The following SORCS3 variants were observed in gnomAD, a reference collection of about 807,000 sequenced individuals.
The protein encoded by SORCS3 is VPS10 domain-containing receptor SorCS3.
A neutral mutation model predicts 146.3 loss-of-function variants in SORCS3; 57 were observed. The observed-to-expected ratio is 0.39, with a 90% CI of 0.31 to 0.49. SORCS3 has a LOEUF of 0.49. Among genes scored for constraint, SORCS3 ranks in the 20% least tolerant of loss-of-function variants. The pLI is 0.92. For missense variants in SORCS3, 1,341 were observed against 1,575.5 expected, an observed-to-expected ratio of 0.85 and a Z score of 2.52; for synonymous variants, 653 against 618.5, an observed-to-expected ratio of 1.06 and a Z score of -0.83.
At chr10:104,877,224 A>C in intron 2 of SORCS3, among the ~76,000 whole-genome samples, 1 of 152,182 alleles carries the variant, frequency 6.6e-6, no homozygotes, top group South Asian at 2.1e-4. Context: ...TAGTCCAGTC[A>C]CCATTATCCA....
At chr10:104,701,874 A>G (rs1307657002) in intron 1 of SORCS3, among the ~76,000 whole-genome samples, 2 of 152,070 alleles carry the variant, frequency 1.3e-5, no homozygotes, top group East Asian at 3.9e-4. Flanking sequence ...GTAATATTTT[A>G]TTTAATTTTG....
At chr10:105,161,998 C>G (rs2056268614) in intron 11 of SORCS3, among the ~76,000 whole-genome samples, 1 of 151,988 alleles carries the variant, frequency 6.6e-6, no homozygotes, top group South Asian at 2.1e-4. Context: ...AGGCCCTCCT[C>G]CCGCCCCTGC....
chr10:104,970,966 T>G (rs1329620579), intron 3 of SORCS3, among the ~76,000 whole-genome samples: 2 of 152,204 alleles, frequency 1.3e-5, no homozygotes, highest in Admixed American at 6.6e-5. Context: ...AGAAAATTGG[T>G]GGCAACATAT....
intron 3 of SORCS3, among the ~76,000 whole-genome samples, chr10:104,952,255 GAAAA>G (rs55880149): frequency 0.071 from 2,881 of 40,322 alleles, 69 homozygotes; most frequent in African/African-American, 0.12. Context: ...ATGAATGTTT[GAAAA>G]AAAAAAAAAA....
chr10:104,973,616 A>G (rs2054875470), intron 3 of SORCS3, among the ~76,000 whole-genome samples: 1 of 150,008 alleles, frequency 6.7e-6, no homozygotes, highest in African/African-American at 2.5e-5. Flanking sequence ...CTAGCGGTCT[A>G]TCAATTTTGT....
intron 1 of SORCS3, among the ~76,000 whole-genome samples, chr10:104,691,157 C>A (rs2016106765): frequency 6.6e-6 from 1 of 152,182 alleles, no homozygotes; most frequent in Non-Finnish European, 1.5e-5. Context: ...AGAGCTCTAG[C>A]ACCATGGTGT....
intron 7 of SORCS3, among the ~76,000 whole-genome samples, chr10:105,132,980 C>T (rs966629711): frequency 1.3e-5 from 2 of 152,304 alleles, no homozygotes; most frequent in Middle Eastern, 6.8e-3. Flanking sequence ...AGTCACTAAA[C>T]TTTATTTCTT....
At chr10:104,837,833 C>T (rs1485989999) in intron 1 of SORCS3, among the ~76,000 whole-genome samples, 1 of 152,116 alleles carries the variant, frequency 6.6e-6, no homozygotes, top group South Asian at 2.1e-4. Flanking sequence ...CTCTGCATTC[C>T]TATTCATTGC....
chr10:104,846,805 T>C (rs1053095003), intron 2 of SORCS3, among the ~76,000 whole-genome samples: 3 of 152,184 alleles, frequency 2.0e-5, no homozygotes, highest in Admixed American at 6.5e-5. Context: ...ACCTATAAGA[T>C]ATCATGTGTA....
chr10:105,248,060 C>T (rs1430835983), intron 22 of SORCS3, among the ~76,000 whole-genome samples: 1 of 152,174 alleles, frequency 6.6e-6, no homozygotes, highest in African/African-American at 2.4e-5. Context: ...GGAAACAGAG[C>T]GTTCCAGCAG....
Position 104,852,940 on chromosome 10 carries a change from A to G in SORCS3, c.695+10081A>G, listed in dbSNP as rs559396793. Among the ~76,000 whole-genome samples, 5 of 152,320 alleles carry G rather than the reference A, an allele frequency of 3.3e-5. No individual in the cohort carries two copies. In the South Asian group the frequency reaches 8.3e-4, roughly 25 times the overall value. On this transcript the variant is annotated intron_variant, in intron 2 of 26. Coordinates refer to ENST00000369701, the MANE Select transcript of SORCS3 (RefSeq NM_014978.3). ...CTGCTCCCCTGGAGCTGTGCTTGAG[A>G]TAAGCCTTATGAGGGTCAGTTGGCC...
intron 5 of SORCS3, among the ~76,000 whole-genome samples, chr10:105,075,383 G>A (rs950558910): frequency 6.6e-6 from 1 of 152,138 alleles, no homozygotes; most frequent in African/African-American, 2.4e-5. Context: ...ATGTGAACAT[G>A]CTCTGTGAAA....
intron 14 of SORCS3, among the ~76,000 whole-genome samples, chr10:105,199,038 C>A (rs1378618337): frequency 6.6e-6 from 1 of 152,072 alleles, no homozygotes; most frequent in Non-Finnish European, 1.5e-5. Flanking sequence ...AGTATCTGAA[C>A]TTGGGCAGAG....
In SORCS3 at chr10:105,166,953, G is replaced by A. The variant is rs541731548; in HGVS notation, c.1810-305G>A. On this transcript the variant is annotated intron_variant, in intron 12 of 26. Transcript: ENST00000369701. Reference sequence around the variant, plus strand: ...GAAGTTTCTTCAAAGTCATACTTCCGTTGGGTTACCTAGTTGAGCATGCAC... The same window carrying A: ...GAAGTTTCTTCAAAGTCATACTTCCATTGGGTTACCTAGTTGAGCATGCAC... Among the ~76,000 whole-genome samples the A allele has an allele frequency of 3.9e-5, 6 of 152,244 alleles. No homozygotes were observed. In the South Asian group the frequency reaches 6.2e-4, roughly 16 times the overall value.
chr10:105,226,963 C>T (rs572063427), intron 20 of SORCS3, among the ~76,000 whole-genome samples: 2 of 151,952 alleles, frequency 1.3e-5, no homozygotes, highest in South Asian at 4.2e-4. Context: ...GTTAGTCCAG[C>T]AAGTGGTTTG....
At chr10:104,860,312 C>T (rs1392835877) in intron 2 of SORCS3, among the ~76,000 whole-genome samples, 2 of 122,628 alleles carry the variant, frequency 1.6e-5, no homozygotes, top group African/African-American at 5.3e-5. Context: ...AGTAAACTAT[C>T]GCAAGAACAA....
At chr10:105,216,840 G>C in intron 18 of SORCS3, 96 bp from the exon 19 acceptor site, 1 of 1,184,410 alleles carries the variant, frequency 8.4e-7, no homozygotes, top group Non-Finnish European at 1.2e-6. Context: ...AAGACTATGG[G>C]TCATCAGAGG....
intron 14 of SORCS3, among the ~76,000 whole-genome samples, chr10:105,179,385 C>T (rs917815095): frequency 6.6e-6 from 1 of 152,168 alleles, no homozygotes; most frequent in Non-Finnish European, 1.5e-5. Context: ...AGAGCCAAAC[C>T]ATTTACTGAA....
At position 104,955,220 on chromosome 10, in the gene SORCS3, C is replaced by T. The variant is rs2019475549; in HGVS notation, c.796-22115C>T. Among the ~76,000 whole-genome samples the T allele has an allele frequency of 2.6e-5, 4 of 152,134 alleles. No homozygotes were observed. In the South Asian group the frequency reaches 8.3e-4, roughly 32 times the overall value. On this transcript the variant is annotated intron_variant, in intron 3 of 26. Transcript: ENST00000369701. ...TCTGGCAATCACCCGTCGGCATTTT[C>T]TTCCTGCAGATTTCCCTATTCTGGA...
Sources: gnomAD v4.1 joint callset for allele counts (sites outside exome capture counted in the v4.1 genomes callset) on GRCh38, gnomAD v4.1.1 for gene constraint, MANE v1.5 for transcripts, NCBI Gene and HGNC (gene_info 2026-07-23, HGNC 2026-07-21) for gene names.